Variants in CYP4F22 observed in about 807,000 individuals in gnomAD.
CYP4F22 encodes cytochrome P450 family 4 subfamily F member 22, also known as ultra-long-chain fatty acid omega-hydroxylase.
CYP4F22 carries 37 observed loss-of-function variants against 60.4 expected under a neutral mutation model. That is an observed-to-expected ratio of 0.61 (90% CI 0.47 to 0.81). The LOEUF (loss-of-function observed/expected upper bound fraction) is 0.81. Among genes scored for constraint, CYP4F22 ranks in the 30% least tolerant of loss-of-function variants. The pLI is 0.00. For missense variants in CYP4F22, 655 were observed against 715.0 expected (o/e 0.92, Z 0.96); for synonymous variants, 258 against 280.5 (o/e 0.92, Z 0.80).
Position 15,547,995 on chromosome 19 carries a change from GGGA to G in CYP4F22, c.1137-111_1137-109del, listed in dbSNP as rs1971548700. ...AGAGAGAGAGAGAGAGAGAGAGAGAGGGAGAGAGTGTGTGTGTGTGTGTGTGTG... is the reference window on the plus strand; with the variant it reads ...AGAGAGAGAGAGAGAGAGAGAGAGAGGAGAGTGTGTGTGTGTGTGTGTGTG... On this transcript the variant is annotated intron_variant, in intron 10 of 13. Transcript: ENST00000269703. 15 of 126,204 alleles carry G rather than the reference GGGA, an allele frequency of 1.2e-4. 1 individual carries two copies. The highest frequency in any genetic ancestry group is 6.4e-4 in the Admixed American group (4 of 6,254). The allele number at this position is 126,204 out of a possible 1,614,324, so 7.8% of individuals were successfully genotyped here.
intron 12 of CYP4F22, 102 bp downstream of exon 12, chr19:15,549,304 C>G: frequency 1.8e-6 from 2 of 1,122,010 alleles, no homozygotes; most frequent in Non-Finnish European, 2.7e-6. Flanking sequence ...GTGCGCACAC[C>G]CCTCCCCACT....
At chr19:15,548,321 T>TA in intron 11 of CYP4F22, 80 bp downstream of exon 11, 2 of 1,585,534 alleles carry the variant, frequency 1.3e-6, no homozygotes, top group Non-Finnish European at 1.7e-6. Context: ...GGCCTGGCTA[T>TA]GCCTGCCCCA....
At chr19:15,542,187 C>T (rs1273535) in intron 8 of CYP4F22, among the ~76,000 whole-genome samples, 12,168 of 152,118 alleles carry the variant, frequency 0.08, 659 homozygotes, top group African/African-American at 0.16. Flanking sequence ...CTTTCTGTCC[C>T]TCTTTACATC....
At chr19:15,526,290 C>A (rs1435316440) in intron 3 of CYP4F22, among the ~76,000 whole-genome samples, 1 of 152,158 alleles carries the variant, frequency 6.6e-6, no homozygotes, top group Non-Finnish European at 1.5e-5. Flanking sequence ...ACATCCTATT[C>A]CCAATGTGGT....
chr19:15,541,594 C>T (rs1971463070), intron 8 of CYP4F22, among the ~76,000 whole-genome samples: 2 of 151,984 alleles, frequency 1.3e-5, no homozygotes, highest in African/African-American at 4.8e-5. Flanking sequence ...AAATACATGA[C>T]CTTGGGCTGG....
At position 15,537,590 on chromosome 19, in the gene CYP4F22, G is replaced by C. The variant is rs368813073; in HGVS notation, c.477G>C (p.Leu159=). 54 of 1,614,056 alleles carry C rather than the reference G, an allele frequency of 3.3e-5. No individual in the cohort carries two copies. Among genetic ancestry groups the C allele is most frequent in the Non-Finnish European group, 4.0e-5 (47 of 1,180,048 alleles). Residue 159 remains leucine (L), a synonymous_variant, in exon 6 of 14, where the codon CTG becomes CTC. Coordinates refer to ENST00000269703, the MANE Select transcript of CYP4F22 (RefSeq NM_173483.4). ...GDKWSRHRRL[L]TPAFHFDILK... ...AGTGGAGCCGGCACCGTCGCCTGCT[G>C]ACACCCGCCTTCCACTTTGACATCC... is the stretch of plus-strand genomic sequence containing the variant.
intron 4 of CYP4F22, among the ~76,000 whole-genome samples, chr19:15,531,078 G>A (rs981635234): frequency 2.0e-5 from 3 of 151,942 alleles, no homozygotes; most frequent in South Asian, 2.1e-4. Context: ...CCTGTCTCTC[G>A]AAAAAAATAA....
intron 1 of CYP4F22, among the ~76,000 whole-genome samples, chr19:15,513,717 T>C (rs1971121759): frequency 6.6e-6 from 1 of 151,962 alleles, no homozygotes; most frequent in African/African-American, 2.4e-5. Context: ...TCCAGGCTGG[T>C]TGCGAACTCC....
chr19:15,541,086 C>A (rs1971457311), intron 8 of CYP4F22, among the ~76,000 whole-genome samples: 1 of 152,134 alleles, frequency 6.6e-6, no homozygotes, highest in African/African-American at 2.4e-5. Flanking sequence ...TGTCTCAAAA[C>A]AAAACAAAAC....
intron 3 of CYP4F22, among the ~76,000 whole-genome samples, chr19:15,526,747 C>CTTT (rs751050534): frequency 2.2e-5 from 3 of 134,434 alleles, no homozygotes; most frequent in Admixed American, 7.5e-5. Flanking sequence ...TAGACTTTTC[C>CTTT]TTTTTTTTTT....
intron 2 of CYP4F22, among the ~76,000 whole-genome samples, chr19:15,524,600 G>A (rs1416301157): frequency 2.0e-5 from 3 of 151,832 alleles, no homozygotes; most frequent in African/African-American, 4.8e-5. Context: ...GCAGTGAGCC[G>A]TGATCATGCC....
chr19:15,551,528 G>T lies in CYP4F22; in HGVS notation c.*57G>T. On this transcript the variant is annotated 3_prime_UTR_variant, in exon 14 of 14. Coordinates refer to ENST00000269703, the MANE Select transcript of CYP4F22 (RefSeq NM_173483.4). ...CCAGGCCCCGCCCCCAAAGGACCAG[G>T]ACTCGCCCCAAAGATCCCGAGGGCA... 7 of 1,529,076 alleles carry T rather than the reference G, an allele frequency of 4.6e-6. No homozygotes were observed. The highest frequency in any genetic ancestry group is 6.2e-6 in the Non-Finnish European group (7 of 1,137,772). 94.7% of individuals were successfully genotyped at this position (1,529,076 alleles called of 1,614,324 possible). A position where few individuals can be genotyped will look rare whatever the true frequency, so the allele number is the denominator to read the frequency against.
intron 5 of CYP4F22, 47 bp downstream of exon 5, chr19:15,537,461 G>A: frequency 1.2e-6 from 2 of 1,614,174 alleles, no homozygotes; most frequent in Non-Finnish European, 1.7e-6. Context: ...AGAGAAGAGA[G>A]GGAAGAGCAT....
intron 3 of CYP4F22, 98 bp downstream of exon 3, chr19:15,525,656 G>A: frequency 8.3e-7 from 1 of 1,201,166 alleles, no homozygotes; most frequent in East Asian, 2.5e-5. Context: ...AGCCTCCCAA[G>A]AATCTGGTTG....
intron 7 of CYP4F22, among the ~76,000 whole-genome samples, chr19:15,539,672 A>G (rs191146845): frequency 6.6e-6 from 1 of 152,370 alleles, no homozygotes; most frequent in African/African-American, 2.4e-5. Context: ...TCTCCCAACC[A>G]GTGATGTATG....
chr19:15,517,678 C>T (rs1443091687), intron 1 of CYP4F22, among the ~76,000 whole-genome samples: 1 of 152,216 alleles, frequency 6.6e-6, no homozygotes, highest in Non-Finnish European at 1.5e-5. Flanking sequence ...AGAAGTCTTC[C>T]AGCTCTCTTT....
At chr19:15,511,907 C>T (rs999402985) in intron 1 of CYP4F22, among the ~76,000 whole-genome samples, 3 of 152,204 alleles carry the variant, frequency 2.0e-5, no homozygotes, top group Non-Finnish European at 2.9e-5. Flanking sequence ...CGGAGCCAGT[C>T]GCTGGCTTTC....
chr19:15,512,632 G>A (rs369435064), intron 1 of CYP4F22, among the ~76,000 whole-genome samples: 2 of 151,362 alleles, frequency 1.3e-5, no homozygotes, highest in South Asian at 2.1e-4. Flanking sequence ...TAGTAGAGAC[G>A]GAGTCTCACT....
At chr19:15,518,688 G>GAAAA (rs112651893) in intron 1 of CYP4F22, among the ~76,000 whole-genome samples, 1 of 83,592 alleles carries the variant, frequency 1.2e-5, no homozygotes, top group African/African-American at 4.0e-5. Flanking sequence ...ACAAAACACA[G>GAAAA]AAAAAAAAAA....
Sources: allele counts gnomAD v4.1 joint callset (sites outside exome capture counted in the v4.1 genomes callset), GRCh38; gene constraint gnomAD v4.1.1; transcripts MANE v1.5; gene names NCBI Gene and HGNC (gene_info 2026-07-23, HGNC 2026-07-21).